The following SFMBT2 variants were observed in gnomAD, a reference collection of about 807,000 sequenced individuals.
SFMBT2 encodes the protein Scm like with four mbt domains 2, also known as scm-like with four MBT domains protein 2.
A neutral mutation model predicts 110.1 loss-of-function variants in SFMBT2; 38 were observed. The observed-to-expected ratio is 0.35, with a 90% CI of 0.27 to 0.45. The LOEUF (loss-of-function observed/expected upper bound fraction) is 0.45, where lower values mean the gene tolerates loss of function less well. Ranked by LOEUF, SFMBT2 falls within the 20% of genes least tolerant of loss-of-function variation. The pLI, the probability that SFMBT2 is intolerant of heterozygous loss-of-function variation, is 1.00. For synonymous variants in SFMBT2, 425 were observed against 425.4 expected, an observed-to-expected ratio of 1.00 and a Z score of 0.01; for missense variants, 1,011 against 1,094.9, an observed-to-expected ratio of 0.92 and a Z score of 1.08.
chr10:7,184,134 A>G (rs1165287087), intron 16 of SFMBT2, among the ~76,000 whole-genome samples: 1 of 152,162 alleles, frequency 6.6e-6, no homozygotes, highest in Non-Finnish European at 1.5e-5. Flanking sequence ...GGAGACAGAG[A>G]GAGGAATATG....
At chr10:7,213,953 G>A (rs1175671284) in intron 11 of SFMBT2, among the ~76,000 whole-genome samples, 4 of 152,154 alleles carry the variant, frequency 2.6e-5, no homozygotes, top group African/African-American at 4.8e-5. Context: ...TCTGAGAAAA[G>A]CAGGGCAAAG....
intron 4 of SFMBT2, among the ~76,000 whole-genome samples, chr10:7,296,145 A>G (rs1842402503): frequency 6.6e-6 from 1 of 152,210 alleles, no homozygotes; most frequent in Non-Finnish European, 1.5e-5. Context: ...ATTTTACCCA[A>G]TAAAATATGG....
intron 4 of SFMBT2, among the ~76,000 whole-genome samples, chr10:7,318,458 A>T (rs1340960956): frequency 6.6e-6 from 1 of 152,210 alleles, no homozygotes; most frequent in East Asian, 1.9e-4. Flanking sequence ...CATGACCTGA[A>T]TTCCAGGTCA....
At chr10:7,261,807 C>T (rs1011387393) in intron 7 of SFMBT2, among the ~76,000 whole-genome samples, 7 of 152,230 alleles carry the variant, frequency 4.6e-5, no homozygotes, top group African/African-American at 1.7e-4. Flanking sequence ...TTATAAATGG[C>T]ACTGGCGACA....
intron 11 of SFMBT2, among the ~76,000 whole-genome samples, chr10:7,211,780 T>C (rs1839357868): frequency 6.6e-6 from 1 of 152,250 alleles, no homozygotes. Flanking sequence ...TTCCCTTGTT[T>C]CAATTTTGCA....
chr10:7,227,866 A>C lies in SFMBT2; in HGVS notation c.1192T>G (p.Cys398Gly), dbSNP rs753003963. The C allele has an allele frequency of 6.2e-7, 1 of 1,609,210 alleles. No homozygotes were observed. The highest frequency in any genetic ancestry group is 1.7e-5 in the Admixed American group (1 of 58,740). The change falls in exon 10 of 21, where the codon TGC becomes GGC. Residue 398 changes from cysteine (C) to glycine (G), a missense_variant. Coordinates refer to ENST00000397167, the MANE Select transcript of SFMBT2 (RefSeq NM_001387889.1). Reference sequence around the variant, plus strand: ...GAGAAGCTTCTTACATTTCGGAAGCAGAAGGGAGGGGCTTCCTGCGCCCCA... The same window carrying C: ...GAGAAGCTTCTTACATTTCGGAAGCCGAAGGGAGGGGCTTCCTGCGCCCCA... Reference protein sequence around the residue: ...QHGAQEAPPFCFRNTSFSRGF... With the variant: ...QHGAQEAPPFGFRNTSFSRGF...
chr10:7,366,681 T>A (rs1844915174), intron 4 of SFMBT2, among the ~76,000 whole-genome samples: 1 of 152,216 alleles, frequency 6.6e-6, no homozygotes, highest in Non-Finnish European at 1.5e-5. Context: ...GAGATTCACG[T>A]AATTAGCTGC....
chr10:7,207,109 C>T (rs1369972956), intron 11 of SFMBT2: 1 of 161,896 alleles, frequency 6.2e-6, no homozygotes, highest in Non-Finnish European at 1.3e-5. Flanking sequence ...CCAGTAGTCC[C>T]AGCTACTCAG....
chr10:7,306,182 A>G (rs1366120308), intron 4 of SFMBT2, among the ~76,000 whole-genome samples: 1 of 152,208 alleles, frequency 6.6e-6, no homozygotes, highest in East Asian at 1.9e-4. Context: ...GTGTGGAGTC[A>G]GTCTTCAGTT....
At chr10:7,311,607 C>T (rs1842859333) in intron 4 of SFMBT2, among the ~76,000 whole-genome samples, 1 of 152,200 alleles carries the variant, frequency 6.6e-6, no homozygotes, top group African/African-American at 2.4e-5. Context: ...TGATTAATCA[C>T]CACCCTTCAG....
Position 7,248,527 on chromosome 10 carries a change from G to A in SFMBT2, c.972+21C>T. 10 of 1,603,602 alleles carry A rather than the reference G, an allele frequency of 6.2e-6. No individual in the cohort carries two copies. The East Asian group carries it at 1.1e-4, about 18-fold the overall frequency. On this transcript the variant is annotated intron_variant, in intron 8 of 20. Transcript: ENST00000397167. ...GATCCACTCTAGGGGCTGGGTCGAA[G>A]AGCGAGGGAGGAAAACCCACCTTAG...
intron 7 of SFMBT2, among the ~76,000 whole-genome samples, chr10:7,273,424 T>G (rs1841665414): frequency 6.6e-6 from 1 of 152,212 alleles, no homozygotes. Context: ...AGAGCTAAGT[T>G]GTAAAATCAG....
intron 20 of SFMBT2, among the ~76,000 whole-genome samples, chr10:7,164,746 AACACACACACACACAC>A (rs58744416): frequency 2.0e-4 from 28 of 137,846 alleles, no homozygotes; most frequent in East Asian, 4.5e-4. Flanking sequence ...CATAAAGGGA[AACACACACACACACAC>A]ACACACACAC....
chr10:7,184,962 G>T (rs529237824), intron 16 of SFMBT2, among the ~76,000 whole-genome samples: 159 of 152,146 alleles, frequency 1.0e-3, no homozygotes, highest in Non-Finnish European at 1.7e-3. Flanking sequence ...TCACTTCATT[G>T]GTCTCATTCT....
intron 4 of SFMBT2, among the ~76,000 whole-genome samples, chr10:7,330,007 T>C (rs1843517799): frequency 6.6e-6 from 1 of 152,316 alleles, no homozygotes; most frequent in South Asian, 2.1e-4. Context: ...CAGAAACCCC[T>C]GAAGAAACCC....
chr10:7,216,669 AG>A (rs2131639385), intron 11 of SFMBT2, among the ~76,000 whole-genome samples: 1 of 152,204 alleles, frequency 6.6e-6, no homozygotes, highest in South Asian at 2.1e-4. Context: ...GTTTAAGCAA[AG>A]TTTGTGGTCA....
intron 3 of SFMBT2, among the ~76,000 whole-genome samples, chr10:7,368,990 G>C (rs1212262889): frequency 2.0e-5 from 3 of 152,054 alleles, no homozygotes; most frequent in African/African-American, 7.3e-5. Flanking sequence ...AATTCCTTTT[G>C]GAAAGAACAC....
At chr10:7,231,136 G>T (rs565150973) in intron 9 of SFMBT2, among the ~76,000 whole-genome samples, 9 of 152,214 alleles carry the variant, frequency 5.9e-5, no homozygotes, top group Admixed American at 3.9e-4. Context: ...ATGACGAGCA[G>T]TTACCTAACA....
intron 7 of SFMBT2, chr10:7,249,108 A>G: frequency 1.0e-6 from 1 of 974,218 alleles, no homozygotes; most frequent in Non-Finnish European, 1.2e-6. Flanking sequence ...CTTACCAGTT[A>G]CTAGAAGTAA....
Sources: allele counts gnomAD v4.1 joint callset (sites outside exome capture counted in the v4.1 genomes callset), GRCh38; gene constraint gnomAD v4.1.1; transcripts MANE v1.5; gene names NCBI Gene and HGNC (gene_info 2026-07-23, HGNC 2026-07-21).